LRP12: variants seen among roughly 807,000 people sequenced by gnomAD.
The protein encoded by LRP12 is low-density lipoprotein receptor-related protein 12.
LRP12 carries 14 observed loss-of-function variants against 66.0 expected under a neutral mutation model. The ratio of observed to expected loss-of-function variants is 0.21; its 90% CI spans 0.14 to 0.33. The LOEUF (loss-of-function observed/expected upper bound fraction) is 0.33, where lower values mean the gene tolerates loss of function less well. LRP12 is among the 10% of genes least tolerant of loss of function. The pLI is 1.00. For synonymous variants in LRP12, 357 were observed against 359.1 expected, an observed-to-expected ratio of 0.99 and a Z score of 0.07; for missense variants, 889 against 1,053.4, an observed-to-expected ratio of 0.84 and a Z score of 2.16.
rs142477429 is a variant in LRP12, at chr8:104,574,436, A to G, written c.79+14383T>C. Among the ~76,000 whole-genome samples the G allele has an allele frequency of 5.4e-3, 823 of 152,334 alleles. 6 individuals carry two copies. Among genetic ancestry groups the G allele is most frequent in the African/African-American group, 0.018 (753 of 41,580 alleles). On this transcript the variant is annotated intron_variant, in intron 1 of 6. Transcript: ENST00000276654. ...CTAATATACCATAATTTATTCATCT[A>G]TTCTATTGCTGATGGCCATAGGGTT...
At chr8:104,524,902 A>G (rs376014698) in intron 2 of LRP12, among the ~76,000 whole-genome samples, 54 of 152,260 alleles carry the variant, frequency 3.5e-4, no homozygotes, top group African/African-American at 1.1e-3. Flanking sequence ...AATTCAGTTT[A>G]AAGTAGATAT....
intron 2 of LRP12, among the ~76,000 whole-genome samples, chr8:104,526,369 G>A (rs1216750071): frequency 4.0e-4 from 61 of 151,700 alleles, no homozygotes; most frequent in Non-Finnish European, 7.5e-4. Context: ...AGCCCGCATC[G>A]CCAAGTCAAT....
At chr8:104,501,621 T>C (rs1420642543) in intron 3 of LRP12, among the ~76,000 whole-genome samples, 7 of 151,754 alleles carry the variant, frequency 4.6e-5, no homozygotes, top group African/African-American at 1.2e-4. Context: ...GAAGAACTGC[T>C]TGAACTTGGG....
At position 104,549,623 on chromosome 8, in the gene LRP12, C is replaced by T. The variant is rs757759883; in HGVS notation, c.80-17660G>A. Among the ~76,000 whole-genome samples the T allele has an allele frequency of 3.3e-5, 5 of 152,114 alleles. No homozygotes were observed. In the East Asian group the frequency reaches 5.8e-4, roughly 18 times the overall value. ...TTCACCGTGTTAGCCAGGATGGTCT[C>T]GATCTCCTGACCTCATGATCCGCCC... On this transcript the variant is annotated intron_variant, in intron 1 of 6. Transcript: ENST00000276654.
intron 1 of LRP12, among the ~76,000 whole-genome samples, chr8:104,533,211 CAA>C (rs148528231): frequency 6.6e-6 from 1 of 151,806 alleles, no homozygotes; most frequent in Non-Finnish European, 1.5e-5. Context: ...GCACTGATGC[CAA>C]AAAAGGCACA....
intron 2 of LRP12, among the ~76,000 whole-genome samples, chr8:104,530,361 A>G (rs573092699): frequency 2.6e-5 from 4 of 152,310 alleles, no homozygotes; most frequent in African/African-American, 9.6e-5. Context: ...AAATGAGGTC[A>G]TAAGGATGGG....
At chr8:104,583,392 G>A (rs902982102) in intron 1 of LRP12, among the ~76,000 whole-genome samples, 26 of 152,168 alleles carry the variant, frequency 1.7e-4, no homozygotes, top group African/African-American at 6.3e-4. Context: ...TTCATGCATT[G>A]TTCTCATATG....
At chr8:104,559,786 CAA>C (rs957176548) in intron 1 of LRP12, among the ~76,000 whole-genome samples, 66 of 151,674 alleles carry the variant, frequency 4.4e-4, no homozygotes, top group African/African-American at 1.5e-3. Flanking sequence ...ATTTGATATT[CAA>C]AAAAAGTTTT....
chr8:104,517,683 T>C (rs867414464), intron 2 of LRP12, among the ~76,000 whole-genome samples: 1 of 152,100 alleles, frequency 6.6e-6, no homozygotes, highest in Non-Finnish European at 1.5e-5. Flanking sequence ...TTAGTGTCAT[T>C]TGGCCATCTC....
chr8:104,553,107 T>C (rs1440183806), intron 1 of LRP12, among the ~76,000 whole-genome samples: 1 of 152,096 alleles, frequency 6.6e-6, no homozygotes, highest in Admixed American at 6.5e-5. Flanking sequence ...ATTTCTGACT[T>C]TGTCTTCCAG....
At chr8:104,504,372 T>C (rs1461794025) in intron 3 of LRP12, 1 of 152,118 alleles carries the variant, frequency 6.6e-6, no homozygotes, top group Non-Finnish European at 1.5e-5. Flanking sequence ...TACCCTCTAA[T>C]TCTTTTCCTT....
intron 1 of LRP12, among the ~76,000 whole-genome samples, chr8:104,564,865 C>A (rs985593566): frequency 6.6e-6 from 1 of 150,972 alleles, no homozygotes; most frequent in Non-Finnish European, 1.5e-5. Context: ...CCTGGGAAGT[C>A]GAGGTTGCAG....
intron 6 of LRP12, among the ~76,000 whole-genome samples, chr8:104,492,705 G>A (rs949153433): frequency 2.6e-5 from 4 of 152,038 alleles, no homozygotes; most frequent in Non-Finnish European, 5.9e-5. Context: ...TTTATGATAA[G>A]AAGCTACTAT....
intron 1 of LRP12, among the ~76,000 whole-genome samples, chr8:104,587,070 T>G (rs987875416): frequency 5.9e-5 from 9 of 152,164 alleles, no homozygotes; most frequent in African/African-American, 2.2e-4. Flanking sequence ...CAAAACAAAT[T>G]GAGGGGTTCA....
intron 2 of LRP12, among the ~76,000 whole-genome samples, chr8:104,520,036 A>C (rs1811123527): frequency 6.6e-6 from 1 of 151,690 alleles, no homozygotes; most frequent in African/African-American, 2.4e-5. Context: ...AAGAGGCAAA[A>C]ATATAAAGAG....
chr8:104,516,687 A>G (rs1316415523), intron 2 of LRP12, among the ~76,000 whole-genome samples: 1 of 152,126 alleles, frequency 6.6e-6, no homozygotes, highest in Non-Finnish European at 1.5e-5. Flanking sequence ...AATGCATCAT[A>G]CTTATTATAT....
intron 3 of LRP12, among the ~76,000 whole-genome samples, chr8:104,504,008 T>C (rs539114852): frequency 1.5e-4 from 23 of 152,300 alleles, no homozygotes; most frequent in Admixed American, 6.5e-4. Context: ...AAAACTTGCC[T>C]ATAAAACTAG....
rs1810580172 is a variant in LRP12 at position 104,489,381 on chromosome 8, CTTAAA to C, written c.*1287_*1291del. The C allele has an allele frequency of 6.6e-6, 1 of 152,434 alleles. No individual in the cohort carries two copies. Among genetic ancestry groups the C allele is most frequent in the Non-Finnish European group, 1.5e-5 (1 of 67,942 alleles). 9.4% of individuals were successfully genotyped at this position (152,434 alleles called of 1,614,324 possible). The stretch of plus-strand genomic sequence containing the variant: ...CTTTAAAATGACATTCAGCAAAGTA[CTTAAA>C]ATTTAATAAATAGCAAATCACACAC... On this transcript the variant is annotated 3_prime_UTR_variant, in exon 7 of 7. Transcript: ENST00000276654.
intron 2 of LRP12, among the ~76,000 whole-genome samples, chr8:104,523,631 G>C (rs998950220): frequency 2.2e-4 from 33 of 152,146 alleles, no homozygotes; most frequent in African/African-American, 7.2e-4. Flanking sequence ...GGTGGTTCTC[G>C]TGTATTTTTC....
Sources: allele counts gnomAD v4.1 joint callset (sites outside exome capture counted in the v4.1 genomes callset), GRCh38; gene constraint gnomAD v4.1.1; transcripts MANE v1.5; gene names NCBI Gene and HGNC (gene_info 2026-07-23, HGNC 2026-07-21).